Variants in ALLC observed in about 807,000 individuals in gnomAD.
ALLC encodes the protein allantoicase, also known as probable inactive allantoicase.
ALLC carries 40 observed loss-of-function variants against 45.0 expected under a neutral mutation model. That is an observed-to-expected ratio of 0.89 (90% CI 0.69 to 1.16). ALLC has a LOEUF of 1.16. Ranked by LOEUF, ALLC falls within the 50% of genes most tolerant of loss-of-function variation. The probability of loss-of-function intolerance (pLI) is 0.00; values close to 1 mark genes in which losing one functional copy is unlikely to be tolerated. For missense variants in ALLC, 488 were observed against 493.1 expected (o/e 0.99, Z 0.10); for synonymous variants, 176 against 178.1 (o/e 0.99, Z 0.09).
chr2:3,698,192 T>C (rs1370588359), intron 10 of ALLC, among the ~76,000 whole-genome samples: 1 of 152,192 alleles, frequency 6.6e-6, no homozygotes, highest in Non-Finnish European at 1.5e-5. Flanking sequence ...CTTGAACTCC[T>C]GACCTCAGGT....
rs558877096 is a variant in ALLC at position 3,680,403 on chromosome 2, T to C, written c.298+409T>C. 1.3e-5 allele frequency among the ~76,000 whole-genome samples: 2 copies of C among 152,080 alleles called. No individual in the cohort carries two copies. The highest frequency in any genetic ancestry group is 4.8e-5 in the African/African-American group (2 of 41,392). On this transcript the variant is annotated intron_variant, in intron 5 of 11. Coordinates refer to ENST00000252505, the MANE Select transcript of ALLC (RefSeq NM_018436.4). The surrounding 1 kb of genome is among the most constrained non-coding windows in gnomAD (Gnocchi z 4.0). ...CCCTGCTTTGGGCTGTCCCAGTGTG[T>C]GTGATGGGGGAGCTGCTATGGCATT... is the stretch of plus-strand genomic sequence containing the variant.
intron 9 of ALLC, 60 bp from the exon 10 acceptor site, chr2:3,697,288 G>A: frequency 7.5e-7 from 1 of 1,333,306 alleles, no homozygotes; most frequent in Admixed American, 1.7e-5. Context: ...TTGGTTTTCG[G>A]GACTGGTTTC....
the ALLC span, among the ~76,000 whole-genome samples, chr2:3,652,964 T>C: frequency 2.0e-5 from 3 of 152,226 alleles, no homozygotes; most frequent in Admixed American, 1.3e-4. Context: ...TGAGCTAAGC[T>C]GGGCAGTTGT....
At chr2:3,695,490 G>T (rs1249740065) in intron 7 of ALLC, 2 of 538,718 alleles carry the variant, frequency 3.7e-6, no homozygotes, top group Non-Finnish European at 6.6e-6. Flanking sequence ...CCTTTAAGGT[G>T]AGGAACATAA....
rs753814303 is a variant in ALLC, at chr2:3,671,168, C to A, written c.11C>A (p.Ala4Glu). The A allele has an allele frequency of 3.7e-6, 6 of 1,611,660 alleles. No individual in the cohort carries two copies. Among genetic ancestry groups the A allele is most frequent in the Non-Finnish European group, 5.1e-6 (6 of 1,179,070 alleles). ...GACTTCACCCAGCTGATGGACATGG[C>A]ATCTGAATCCGTAGGAGGAAAAGTA... MDM[A>E]SESVGGKILF... The change falls in exon 2 of 12, where the codon GCA becomes GAA. Residue 4 changes from alanine (A) to glutamate (E), a missense_variant. By Grantham distance (107) the Ala-to-Glu change is moderately radical. Transcript: ENST00000252505.
At chr2:3,681,776 C>A in intron 6 of ALLC, 63 bp downstream of exon 6, 2 of 1,318,386 alleles carry the variant, frequency 1.5e-6, no homozygotes, top group South Asian at 1.3e-5. Flanking sequence ...GGAAACTGCT[C>A]TGCACACCTG....
At chr2:3,665,609 C>T (rs536433852) in intron 1 of ALLC, among the ~76,000 whole-genome samples, 1 of 151,682 alleles carries the variant, frequency 6.6e-6, no homozygotes, top group African/African-American at 2.4e-5. Context: ...TAATGGCTTC[C>T]AGATCTACCC....
At chr2:3,668,756 A>G (rs951685123) in intron 1 of ALLC, among the ~76,000 whole-genome samples, 15 of 151,036 alleles carry the variant, frequency 9.9e-5, no homozygotes, top group African/African-American at 3.6e-4. Context: ...TTTTATTTTT[A>G]GTAGAGACGG....
rs750935372 is a variant in ALLC at position 3,679,925 on chromosome 2, G to A, written c.229G>A (p.Val77Met). The A allele has an allele frequency of 1.4e-5, 23 of 1,613,892 alleles. No individual in the cohort carries two copies. In the South Asian group the frequency reaches 2.2e-4, roughly 15 times the overall value. Residue 77 changes from valine to methionine, a missense_variant, in exon 5 of 12, where the codon GTG becomes ATG. Val to Met is a conservative substitution (Grantham distance 21, BLOSUM62 1). Coordinates refer to ENST00000252505, the MANE Select transcript of ALLC (RefSeq NM_018436.4). ...GIQGVIRGFDVDVSYFTGDYA... is the reference protein window; with the variant it reads ...GIQGVIRGFDMDVSYFTGDYA... ...CCAAGGAGTCATCCGGGGCTTCGAC[G>A]TGGACGTTTCTTACTTCACGGGAGA...
chr2:3,658,145 C>G (rs2147988963), upstream of ALLC: 1 of 152,476 alleles, frequency 6.6e-6, no homozygotes, highest in African/African-American at 2.4e-5. Flanking sequence ...CTTGTGACAT[C>G]ATACAGGCAC....
At chr2:3,667,304 C>T (rs1393444968) in intron 1 of ALLC, among the ~76,000 whole-genome samples, 2 of 152,254 alleles carry the variant, frequency 1.3e-5, no homozygotes, top group African/African-American at 2.4e-5. Flanking sequence ...CACTGCACCA[C>T]GAGCCGCTGA....
At chr2:3,700,486 T>TAACA (rs1667796230) in intron 10 of ALLC, among the ~76,000 whole-genome samples, 1 of 152,164 alleles carries the variant, frequency 6.6e-6, no homozygotes, top group Non-Finnish European at 1.5e-5. Context: ...TAAAACTAGA[T>TAACA]AACAAACAGT....
At chr2:3,701,457 C>T (rs546735841) in intron 10 of ALLC, 55 bp from the exon 11 acceptor site, 168 of 1,522,400 alleles carry the variant, frequency 1.1e-4, no homozygotes, top group East Asian at 3.2e-4. Context: ...ATATCCTATA[C>T]GCCAAACTGA....
rs572485631 is a variant in ALLC at position 3,670,280 on chromosome 2, C to T, written c.-62-816C>T. Among the ~76,000 whole-genome samples, 6 of 152,202 alleles carry T rather than the reference C, an allele frequency of 3.9e-5. No homozygotes were observed. In the East Asian group the frequency reaches 7.7e-4, roughly 19 times the overall value. The stretch of plus-strand genomic sequence containing the variant: ...CTCATATCCATGGACTGTTTGTATT[C>T]CTTCTTTTGTGAATGAACATAATTC... On this transcript the variant is annotated intron_variant, in intron 1 of 11. Transcript: ENST00000252505.
chr2:3,652,730 G>A, the ALLC span, among the ~76,000 whole-genome samples: 1 of 152,020 alleles, frequency 6.6e-6, no homozygotes, highest in South Asian at 2.1e-4. Flanking sequence ...CTATAGGCGT[G>A]TGCCACATGC....
At chr2:3,664,750 T>C (rs1666651377) in intron 1 of ALLC, among the ~76,000 whole-genome samples, 1 of 151,940 alleles carries the variant, frequency 6.6e-6, no homozygotes. Flanking sequence ...TTTGGTGTGG[T>C]GGTGCGCACC....
At chr2:3,678,610 G>T in intron 4 of ALLC, 55 bp downstream of exon 4, 4 of 1,445,684 alleles carry the variant, frequency 2.8e-6, no homozygotes, top group Non-Finnish European at 3.9e-6. Flanking sequence ...AGTTAAAAAC[G>T]CAGGCTGTGG....
chr2:3,700,429 T>G (rs2148025350), intron 10 of ALLC, among the ~76,000 whole-genome samples: 1 of 152,338 alleles, frequency 6.6e-6, no homozygotes, highest in Middle Eastern at 3.4e-3. Flanking sequence ...GTTCTCTGCA[T>G]GAATGGTTTA....
At chr2:3,697,306 A>T (rs1667699578) in intron 9 of ALLC, 42 bp from the exon 10 acceptor site, 1 of 1,509,450 alleles carries the variant, frequency 6.6e-7, no homozygotes, top group South Asian at 1.1e-5. Flanking sequence ...TTCTTGAATG[A>T]CTCCAAGTTC....
Sources: allele counts gnomAD v4.1 joint callset (sites outside exome capture counted in the v4.1 genomes callset), GRCh38; gene constraint gnomAD v4.1.1; non-coding constraint Gnocchi (gnomAD v3.1); transcripts MANE v1.5; gene names NCBI Gene and HGNC (gene_info 2026-07-23, HGNC 2026-07-21).